Variants in MEI4 observed in about 807,000 individuals in gnomAD.
MEI4 encodes the protein meiosis-specific protein MEI4.
MEI4 carries 27 observed loss-of-function variants against 31.4 expected under a neutral mutation model. The ratio of observed to expected loss-of-function variants is 0.86; its 90% CI spans 0.63 to 1.19. The LOEUF (loss-of-function observed/expected upper bound fraction) is 1.19, where lower values mean the gene tolerates loss of function less well. MEI4 is among the 50% of genes most tolerant of loss of function. The pLI is 0.00. For synonymous variants in MEI4, 122 were observed against 145.4 expected (o/e 0.84, Z 1.16); for missense variants, 329 against 398.9 (o/e 0.82, Z 1.49).
intron 3 of MEI4, among the ~76,000 whole-genome samples, chr6:77,769,233 C>T (rs1768248466): frequency 6.6e-6 from 1 of 152,132 alleles, no homozygotes; most frequent in African/African-American, 2.4e-5. Context: ...CTTTGCTTTG[C>T]AGCTTAGTGC....
chr6:77,693,666 A>G (rs1769201655), intron 2 of MEI4, among the ~76,000 whole-genome samples: 1 of 152,122 alleles, frequency 6.6e-6, no homozygotes, highest in African/African-American at 2.4e-5. Flanking sequence ...GAATAGATTT[A>G]GATAAATGGA....
chr6:77,731,570 T>C (rs1282413691), intron 2 of MEI4, among the ~76,000 whole-genome samples: 21 of 151,654 alleles, frequency 1.4e-4, no homozygotes, highest in Middle Eastern at 3.4e-3. Context: ...TTCTCCCATT[T>C]TGTAGGTTGC....
At chr6:77,788,105 A>T (rs1406014134) in intron 3 of MEI4, among the ~76,000 whole-genome samples, 1 of 152,218 alleles carries the variant, frequency 6.6e-6, no homozygotes, top group Non-Finnish European at 1.5e-5. Context: ...AACATATGCA[A>T]ATCAATAAAT....
chr6:77,921,422 G>A (rs1766700395), intron 4 of MEI4, among the ~76,000 whole-genome samples: 1 of 151,726 alleles, frequency 6.6e-6, no homozygotes, highest in Non-Finnish European at 1.5e-5. Flanking sequence ...GATTGGTTTG[G>A]TCTTGTATTC....
At chr6:77,835,465 G>A (rs1185394885) in intron 4 of MEI4, among the ~76,000 whole-genome samples, 2 of 149,270 alleles carry the variant, frequency 1.3e-5, no homozygotes, top group African/African-American at 4.9e-5. Flanking sequence ...GAAAAAATGG[G>A]GAGAAACCTA....
intron 1 of MEI4, among the ~76,000 whole-genome samples, chr6:77,678,731 A>C (rs998838855): frequency 6.6e-6 from 1 of 151,990 alleles, no homozygotes; most frequent in Non-Finnish European, 1.5e-5. Context: ...TAAAAAAAAA[A>C]GATAATTGCA....
At chr6:77,671,500 G>T (rs1255943616) in intron 1 of MEI4, among the ~76,000 whole-genome samples, 2 of 151,648 alleles carry the variant, frequency 1.3e-5, no homozygotes, top group Admixed American at 1.3e-4. Flanking sequence ...ATGTTAAAAT[G>T]AAAAAAAACC....
chr6:77,758,864 G>A (rs911916095), intron 2 of MEI4, among the ~76,000 whole-genome samples: 16 of 152,026 alleles, frequency 1.1e-4, no homozygotes, highest in African/African-American at 3.9e-4. Flanking sequence ...TCCATTTTAT[G>A]CTTTCCTGAT....
chr6:77,846,757 C>T (rs9341698), intron 4 of MEI4, among the ~76,000 whole-genome samples: 7,292 of 152,126 alleles, frequency 0.048, 439 homozygotes, highest in African/African-American at 0.14. Context: ...AATTCTGTAC[C>T]GTTAACTATA....
intron 2 of MEI4, among the ~76,000 whole-genome samples, chr6:77,741,611 G>T (rs1401243677): frequency 6.6e-6 from 1 of 152,038 alleles, no homozygotes; most frequent in Non-Finnish European, 1.5e-5. Context: ...CATTCTGTGT[G>T]TTTTTTAATT....
intron 3 of MEI4, among the ~76,000 whole-genome samples, chr6:77,794,902 C>T (rs891754345): frequency 5.3e-5 from 8 of 152,018 alleles, no homozygotes; most frequent in African/African-American, 1.7e-4. Flanking sequence ...ACTTTGACAA[C>T]AGTAGTATAA....
intron 1 of MEI4, among the ~76,000 whole-genome samples, chr6:77,660,746 G>A (rs996128251): frequency 1.3e-5 from 2 of 152,152 alleles, no homozygotes; most frequent in South Asian, 4.1e-4. Flanking sequence ...GGAAGAGGAG[G>A]GATTAGGCTG....
At chr6:77,687,036 T>C (rs1157994911) in intron 1 of MEI4, among the ~76,000 whole-genome samples, 1 of 151,988 alleles carries the variant, frequency 6.6e-6, no homozygotes, top group East Asian at 1.9e-4. Context: ...AAATAAATGA[T>C]ACAAATGGCC....
At chr6:77,733,211 C>G (rs905855373) in intron 2 of MEI4, among the ~76,000 whole-genome samples, 2 of 151,848 alleles carry the variant, frequency 1.3e-5, no homozygotes, top group Non-Finnish European at 2.9e-5. Flanking sequence ...GGTACCAGCT[C>G]CTCCTAGTAC....
chr6:77,905,221 G>C (rs997516016), intron 4 of MEI4, among the ~76,000 whole-genome samples: 18 of 151,000 alleles, frequency 1.2e-4, no homozygotes, highest in Non-Finnish European at 1.3e-4. Flanking sequence ...GTTTTTTCTG[G>C]GCATTTTGTA....
intron 4 of MEI4, among the ~76,000 whole-genome samples, chr6:77,842,519 G>C (rs896861513): frequency 6.6e-6 from 1 of 152,030 alleles, no homozygotes; most frequent in African/African-American, 2.4e-5. Flanking sequence ...ATAAAAGGAA[G>C]AAAATAATGA....
In MEI4 at chr6:77,924,357, C is replaced by G. The variant is rs1400308336; in HGVS notation, c.*1011C>G. The G allele has an allele frequency of 6.6e-6, 1 of 151,880 alleles. No homozygotes were observed. The highest frequency in any genetic ancestry group is 1.5e-5 in the Non-Finnish European group (1 of 67,910). The allele number at this position is 151,880 out of a possible 1,614,324, so 9.4% of individuals were successfully genotyped here. On this transcript the variant is annotated 3_prime_UTR_variant, in exon 5 of 5. Transcript: ENST00000684080. Reference sequence around the variant, plus strand: ...TACAATGTATATACAATTATGTCATCTGGCACAAACAATTATCTTTGGAAT... The same window carrying G: ...TACAATGTATATACAATTATGTCATGTGGCACAAACAATTATCTTTGGAAT...
In MEI4 at chr6:77,834,590, T is replaced by G. The variant is rs536217047; in HGVS notation, c.900+5528T>G. Reference sequence around the variant, plus strand: ...AAAGTACACTGACACACTCATATATTCTGCTTTGCCAGTCCAGCTGAGGGT... The same window carrying G: ...AAAGTACACTGACACACTCATATATGCTGCTTTGCCAGTCCAGCTGAGGGT... On this transcript the variant is annotated intron_variant, in intron 4 of 4. Coordinates refer to ENST00000684080, the MANE Select transcript of MEI4 (RefSeq NM_001322247.2). 6.1e-4 allele frequency among the ~76,000 whole-genome samples: 93 copies of G among 152,116 alleles called. 1 individual carries two copies. Among genetic ancestry groups the G allele is most frequent in the African/African-American group, 2.1e-3 (89 of 41,528 alleles).
intron 3 of MEI4, among the ~76,000 whole-genome samples, chr6:77,784,919 T>C (rs1768693449): frequency 6.6e-6 from 1 of 152,172 alleles, no homozygotes; most frequent in African/African-American, 2.4e-5. Flanking sequence ...GAGCTACTTG[T>C]CCAAAGTTCC....
Sources: allele counts gnomAD v4.1 joint callset (sites outside exome capture counted in the v4.1 genomes callset), GRCh38; gene constraint gnomAD v4.1.1; transcripts MANE v1.5; gene names NCBI Gene and HGNC (gene_info 2026-07-23, HGNC 2026-07-21).